TRPV5: variants seen among roughly 807,000 people sequenced by gnomAD.
TRPV5 encodes transient receptor potential cation channel subfamily V member 5.
Under a neutral mutation model 74.1 loss-of-function variants are expected in TRPV5, and 66 were observed. The ratio of observed to expected loss-of-function variants is 0.89; its 90% confidence interval spans 0.73 to 1.09. TRPV5 has a LOEUF of 1.09. Ranked by LOEUF, TRPV5 falls within the 50% of genes least tolerant of loss-of-function variation. TRPV5 has a pLI of 0.00. For synonymous variants in TRPV5, 399 were observed against 360.7 expected (o/e 1.11, Z -1.20); for missense variants, 936 against 930.4 (o/e 1.01, Z -0.08).
intron 3 of TRPV5, 103 bp from the exon 4 acceptor site, chr7:142,929,668 T>C (rs1331170443): frequency 6.5e-7 from 1 of 1,532,170 alleles, no homozygotes; most frequent in Non-Finnish European, 8.8e-7. Flanking sequence ...GATAGATCTT[T>C]GCTAGACTTC....
At chr7:142,926,774 G>A (rs1795995590) in intron 7 of TRPV5, among the ~76,000 whole-genome samples, 1 of 152,238 alleles carries the variant, frequency 6.6e-6, no homozygotes, top group Non-Finnish European at 1.5e-5. Context: ...AATCCACACA[G>A]TGGGATTGTG....
At chr7:142,929,205 T>C in intron 4 of TRPV5, 85 bp from the exon 5 acceptor site, 1 of 1,535,768 alleles carries the variant, frequency 6.5e-7, no homozygotes, top group Non-Finnish European at 8.8e-7. Context: ...GGCCTCCTCC[T>C]CATCCCCCAT....
At chr7:142,909,160 GGAGA>G (rs1170595665) in intron 14 of TRPV5, among the ~76,000 whole-genome samples, 2 of 152,118 alleles carry the variant, frequency 1.3e-5, no homozygotes, top group African/African-American at 4.8e-5. Context: ...GTAAATTTGA[GGAGA>G]GAGGAGAGTC....
At chr7:142,924,391 T>TATATATACATATATATATATATATAC (rs370191401) in intron 8 of TRPV5, among the ~76,000 whole-genome samples, 1 of 112,318 alleles carries the variant, frequency 8.9e-6, no homozygotes, top group Non-Finnish European at 1.7e-5. Flanking sequence ...TATATATATA[T>TATATATACATATATATATATATATAC]ACATATACAT....
chr7:142,909,583 G>GGA lies in TRPV5; in HGVS notation c.1801_1802insTC (p.Thr601IlefsTer3), dbSNP rs1174773789. ...AGGCAGCTTCCGCTCCAGCATCACT[G>GGA]TGGTGGCCACGACCTGGAAGGAGGC... On this transcript the variant is annotated frameshift_variant, in exon 14 of 15. Transcript: ENST00000265310. LOFTEE classifies it high-confidence loss of function. 1 of 1,613,824 alleles carries GGA rather than the reference G, an allele frequency of 6.2e-7. No individual in the cohort carries two copies. The highest frequency in any genetic ancestry group is 8.5e-7 in the Non-Finnish European group (1 of 1,180,036).
At chr7:142,917,274 A>G (rs1795818578) in intron 8 of TRPV5, among the ~76,000 whole-genome samples, 1 of 152,180 alleles carries the variant, frequency 6.6e-6, no homozygotes, top group African/African-American at 2.4e-5. Flanking sequence ...GAGTAGGAGG[A>G]TAAATAACAA....
Position 142,925,636 on chromosome 7 carries a change from A to G in TRPV5, c.1015T>C (p.Tyr339His), listed in dbSNP as rs1199430174. 1.9e-6 allele frequency: 3 copies of G among 1,614,212 alleles called. No individual in the cohort carries two copies. The Admixed American group carries it at 5.0e-5, about 27-fold the overall frequency. ...CAGCACGTAGTAAAGCAGATCATGT[A>G]GAGCAGGTACAAGGCAGCCAGGATG... is the stretch of plus-strand genomic sequence containing the variant. Reference protein sequence around the residue: ...FCILAALYLLYMICFTTCCVY... With the variant: ...FCILAALYLLHMICFTTCCVY... Residue 339 changes from tyrosine (Y) to histidine (H), a missense_variant, in exon 8 of 15, where the codon TAC becomes CAC. Tyr to His is a moderately conservative substitution (Grantham distance 83). Coordinates refer to ENST00000265310, the MANE Select transcript of TRPV5 (RefSeq NM_019841.7).
chr7:142,911,979 T>C (rs538739257), intron 13 of TRPV5, among the ~76,000 whole-genome samples: 5 of 152,308 alleles, frequency 3.3e-5, no homozygotes, highest in African/African-American at 9.6e-5. Flanking sequence ...ATTTGCAAGA[T>C]AATAAGGTAC....
intron 10 of TRPV5, 93 bp downstream of exon 10, chr7:142,915,214 A>G: frequency 6.5e-7 from 1 of 1,543,062 alleles, no homozygotes; most frequent in Non-Finnish European, 8.8e-7. Flanking sequence ...TTGGAGTGAG[A>G]GTGACCTGAG....
rs996429576 is a variant in TRPV5, at chr7:142,933,560, G to A, written c.-101C>T. On this transcript the variant is annotated 5_prime_UTR_variant, in exon 1 of 15. Coordinates refer to ENST00000265310, the MANE Select transcript of TRPV5 (RefSeq NM_019841.7). ...AAGAGATGGGGTCTATTTGGGGCTG[G>A]GACTCTGAGTTTATCTCCTGTATGA... The A allele has an allele frequency of 1.4e-5, 21 of 1,496,302 alleles. No individual in the cohort carries two copies. Among genetic ancestry groups the A allele is most frequent in the Non-Finnish European group, 1.9e-5 (21 of 1,109,270 alleles). The allele number at this position is 1,496,302 out of a possible 1,614,324, so 92.7% of individuals were successfully genotyped here.
chr7:142,924,729 T>C (rs968248482), intron 8 of TRPV5: 1 of 152,110 alleles, frequency 6.6e-6, no homozygotes, highest in Non-Finnish European at 1.5e-5. Context: ...TCACCTTCTG[T>C]GTATTTTCAG....
intron 12 of TRPV5, among the ~76,000 whole-genome samples, chr7:142,913,334 G>T (rs1213997731): frequency 6.6e-6 from 1 of 152,212 alleles, no homozygotes; most frequent in Non-Finnish European, 1.5e-5. Context: ...TCAGGACAGC[G>T]CTGGACTGCT....
rs750977356 is a variant in TRPV5, at chr7:142,929,415, A to G, written c.487+13T>C. The G allele has an allele frequency of 6.2e-7, 1 of 1,613,286 alleles. No individual in the cohort carries two copies. Among genetic ancestry groups the G allele is most frequent in the Non-Finnish European group, 8.5e-7 (1 of 1,179,466 alleles). On this transcript the variant is annotated intron_variant, in intron 4 of 14. Coordinates refer to ENST00000265310, the MANE Select transcript of TRPV5 (RefSeq NM_019841.7). ...TCCAGCCAACCATCCTTCAAGCCCA[A>G]CCCTGCTCTCACCAAAGTAGATGAG... is the stretch of plus-strand genomic sequence containing the variant.
At chr7:142,919,084 C>A (rs563674980) in intron 8 of TRPV5, among the ~76,000 whole-genome samples, 3 of 152,306 alleles carry the variant, frequency 2.0e-5, no homozygotes, top group Admixed American at 1.3e-4. Context: ...TCACCCTCAC[C>A]GATGCCTCAA....
chr7:142,912,270 A>G (rs1408166756), intron 13 of TRPV5, among the ~76,000 whole-genome samples: 1 of 152,062 alleles, frequency 6.6e-6, no homozygotes, highest in Non-Finnish European at 1.5e-5. Flanking sequence ...GTGAGCAACA[A>G]CCCCACCTCT....
chr7:142,915,158 A>C (rs755209368), intron 10 of TRPV5, 112 bp from the exon 11 acceptor site: 150 of 1,522,202 alleles, frequency 9.9e-5, no homozygotes, highest in Non-Finnish European at 1.3e-4. Flanking sequence ...CTTTACACCT[A>C]AAACGCACAT....
chr7:142,918,533 G>A (rs984000087), intron 8 of TRPV5, among the ~76,000 whole-genome samples: 14 of 152,340 alleles, frequency 9.2e-5, no homozygotes, highest in Admixed American at 7.8e-4. Context: ...AGACTTATCT[G>A]TTTAACATCA....
At chr7:142,909,452 A>C in intron 14 of TRPV5, 38 bp downstream of exon 14, 1 of 1,607,272 alleles carries the variant, frequency 6.2e-7, no homozygotes, top group African/African-American at 1.3e-5. Flanking sequence ...GTGGCCTTAT[A>C]CACATCTGCA....
rs757235865 is a variant in TRPV5, at chr7:142,930,156, T to C, written c.251A>G (p.His84Arg). The C allele has an allele frequency of 5.0e-6, 8 of 1,613,894 alleles. No individual in the cohort carries two copies. Among genetic ancestry groups the C allele is most frequent in the Non-Finnish European group, 4.2e-6 (5 of 1,179,956 alleles). Residue 84 changes from histidine (H) to arginine (R), a missense_variant, in exon 3 of 15, where the codon CAC (histidine) becomes CGC (arginine). Coordinates refer to ENST00000265310, the MANE Select transcript of TRPV5 (RefSeq NM_019841.7). ...QRGALGETAL[H>R]IAALYDNLEA... ...CAAGTTGTCATAGAGGGCTGCTATG[T>C]GCAGCGCCGTCTCCCCCAGGGCTCC...
Sources: gnomAD v4.1 joint callset for allele counts (sites outside exome capture counted in the v4.1 genomes callset) on GRCh38, gnomAD v4.1.1 for gene constraint, MANE v1.5 for transcripts, NCBI Gene and HGNC (gene_info 2026-07-23, HGNC 2026-07-21) for gene names.